The following CLTRN variants were observed in gnomAD, a reference collection of about 807,000 sequenced individuals.
CLTRN encodes the protein collectrin.
A neutral mutation model predicts 14.5 loss-of-function variants in CLTRN; 12 were observed. That is an observed-to-expected ratio of 0.83 (90% CI 0.53 to 1.34). CLTRN has a LOEUF of 1.34. CLTRN is among the 40% of genes most tolerant of loss of function. The pLI is 0.00. For missense variants in CLTRN, 154 were observed against 165.1 expected (o/e 0.93, Z 0.37); for synonymous variants, 58 against 56.5 (o/e 1.03, Z -0.12).
chrX:15,648,804 C>T (rs1276358014), intron 3 of CLTRN, among the ~76,000 whole-genome samples: 5 of 92,621 alleles, frequency 5.4e-5, no homozygotes, highest in Non-Finnish European at 8.3e-5. Context: ...AACAAGACTC[C>T]GTCTCAAAAA....
At chrX:15,646,289 T>A (rs1929065683) in intron 3 of CLTRN, 1 of 249,238 alleles carries the variant, frequency 4.0e-6, no homozygotes, top group African/African-American at 2.9e-5. Context: ...GACATTTTGA[T>A]ACCAAAGGTC....
intron 1 of CLTRN, chrX:15,674,801 C>T (rs1323817123): frequency 8.8e-6 from 1 of 113,039 alleles, no homozygotes; most frequent in East Asian, 2.8e-4. Context: ...GAGGCGTGAC[C>T]AGAGTGGAAC....
chrX:15,667,382 C>T (rs1929642328), upstream of CLTRN, among the ~76,000 whole-genome samples: 1 of 112,543 alleles, frequency 8.9e-6, no homozygotes, highest in Non-Finnish European at 1.9e-5. Context: ...CAATAGAACA[C>T]TGAGTCTTAG....
chrX:15,653,125 A>G (rs772792218), intron 3 of CLTRN, among the ~76,000 whole-genome samples: 1 of 111,623 alleles, frequency 9.0e-6, no homozygotes, highest in South Asian at 3.8e-4. Context: ...AAATATGAAC[A>G]AATTTTTTTC....
chrX:15,672,468 T>C (rs1929736427), intron 1 of CLTRN, among the ~76,000 whole-genome samples: 1 of 100,742 alleles, frequency 9.9e-6, no homozygotes, highest in African/African-American at 3.8e-5. Flanking sequence ...TAGTCACATT[T>C]AGCCCTGACA....
chrX:15,655,408 CTGACATGGG>C (rs1052996712), intron 3 of CLTRN, among the ~76,000 whole-genome samples: 38 of 111,949 alleles, frequency 3.4e-4, no homozygotes, highest in Non-Finnish European at 1.3e-4. Flanking sequence ...GCATCTTCCC[CTGACATGGG>C]TGACACGCTG....
At chrX:15,644,601 T>C (rs1229142812) in intron 4 of CLTRN, among the ~76,000 whole-genome samples, 1 of 111,529 alleles carries the variant, frequency 9.0e-6, no homozygotes, top group Admixed American at 9.5e-5. Context: ...AGGTAAGCTA[T>C]TGGGTCCCTA....
At chrX:15,667,670 T>C, upstream of CLTRN, among the ~76,000 whole-genome samples, 1 of 112,325 alleles carries the variant, frequency 8.9e-6, no homozygotes, top group African/African-American at 3.2e-5. Flanking sequence ...GTCATGCTAT[T>C]ATGCAGCTTT....
upstream of CLTRN, among the ~76,000 whole-genome samples, chrX:15,666,133 C>T (rs757669101): frequency 8.9e-6 from 1 of 111,854 alleles, no homozygotes; most frequent in South Asian, 3.8e-4. Context: ...CTATCGAATA[C>T]TATGCTTATT....
intron 4 of CLTRN, among the ~76,000 whole-genome samples, chrX:15,642,961 G>C (rs1036154944): frequency 9.1e-6 from 1 of 110,206 alleles, no homozygotes; most frequent in African/African-American, 3.3e-5. Context: ...GCCAGGCATA[G>C]TGGCACATCC....
intron 2 of CLTRN, 46 bp from the exon 3 acceptor site, chrX:15,659,147 T>A: frequency 1.4e-6 from 1 of 713,050 alleles, no homozygotes; most frequent in Non-Finnish European, 2.1e-6. Context: ...ATATGGTCCA[T>A]TGGTTCTACT....
intron 5 of CLTRN, among the ~76,000 whole-genome samples, chrX:15,636,773 C>A (rs1242802617): frequency 1.8e-5 from 2 of 111,371 alleles, no homozygotes; most frequent in African/African-American, 3.3e-5. Flanking sequence ...TTATTTAGTG[C>A]ACACTATATC....
intron 4 of CLTRN, among the ~76,000 whole-genome samples, chrX:15,641,490 T>C (rs761957245): frequency 1.8e-5 from 2 of 112,081 alleles, no homozygotes; most frequent in African/African-American, 3.2e-5. Context: ...CAGTATCAAG[T>C]TGACTTTGCA....
chrX:15,658,027 T>C (rs1929415620), intron 3 of CLTRN, among the ~76,000 whole-genome samples: 1 of 111,764 alleles, frequency 8.9e-6, no homozygotes, highest in Admixed American at 9.5e-5. Context: ...TGAATTATTA[T>C]AGAATTAAGA....
At chrX:15,655,282 G>A (rs1030010960) in intron 3 of CLTRN, among the ~76,000 whole-genome samples, 2 of 112,317 alleles carry the variant, frequency 1.8e-5, no homozygotes, top group Admixed American at 9.4e-5. Flanking sequence ...TCCTGGACCT[G>A]GGTCCTTGTG....
At chrX:15,651,376 C>A (rs911829936) in intron 3 of CLTRN, among the ~76,000 whole-genome samples, 1 of 110,943 alleles carries the variant, frequency 9.0e-6, no homozygotes, top group Non-Finnish European at 1.9e-5. Flanking sequence ...GTCTTGAGTC[C>A]ACCAGAGCAT....
intron 5 of CLTRN, among the ~76,000 whole-genome samples, chrX:15,630,363 AGAAG>A (rs67681066): frequency 0.19 from 10,163 of 54,358 alleles, 614 homozygotes; most frequent in Non-Finnish European, 0.24. Context: ...ACCACAAGAA[AGAAG>A]GAAGGAAGGA....
upstream of CLTRN, among the ~76,000 whole-genome samples, chrX:15,669,520 G>A (rs1396944759): frequency 2.7e-5 from 3 of 112,182 alleles, no homozygotes; most frequent in Non-Finnish European, 5.6e-5. Flanking sequence ...AAACGAAATT[G>A]ATTTCTCCGT....
chrX:15,637,946 T>C (rs1928855673), intron 5 of CLTRN, among the ~76,000 whole-genome samples: 1 of 112,052 alleles, frequency 8.9e-6, no homozygotes, highest in Admixed American at 9.5e-5. Flanking sequence ...ATCCATACAG[T>C]TAATGGATTA....
Sources: allele counts gnomAD v4.1 joint callset (sites outside exome capture counted in the v4.1 genomes callset), GRCh38; gene constraint gnomAD v4.1.1; transcripts MANE v1.5; gene names NCBI Gene and HGNC (gene_info 2026-07-23, HGNC 2026-07-21).